DZIP3: variants seen among roughly 807,000 people sequenced by gnomAD.
DZIP3 encodes E3 ubiquitin-protein ligase DZIP3.
Under a neutral mutation model 162.0 loss-of-function variants are expected in DZIP3, and 118 were observed. That is an observed-to-expected ratio of 0.73 (90% CI 0.63 to 0.85). DZIP3 has a LOEUF of 0.85. DZIP3 is among the 40% of genes least tolerant of loss of function. DZIP3 has a pLI of 0.00. For missense variants in DZIP3, 1,331 were observed against 1,407.0 expected, an observed-to-expected ratio of 0.95 and a Z score of 0.86; for synonymous variants, 438 against 458.6, an observed-to-expected ratio of 0.96 and a Z score of 0.57.
chr3:108,622,880 C>CTGTGTGTGTGTG lies in DZIP3; in HGVS notation c.376-1558_376-1547dup, dbSNP rs1553703883. 7.2e-4 allele frequency among the ~76,000 whole-genome samples: 38 copies of CTGTGTGTGTGTG among 53,096 alleles called. 1 individual carries two copies. The highest frequency in any genetic ancestry group is 2.6e-3 in the African/African-American group (33 of 12,832). 34.8% of individuals were successfully genotyped at this position (53,096 alleles called of 152,430 possible). ...TCTCTCTCTCTCTCTCTCTCTCTCT[C>CTGTGTGTGTGTG]TGTGTGTGTGTGTGTGTATGGAGCT... On this transcript the variant is annotated intron_variant, in intron 5 of 32. Coordinates refer to ENST00000361582, the MANE Select transcript of DZIP3 (RefSeq NM_014648.4).
chr3:108,625,192 T>C (rs1019166043), intron 6 of DZIP3, among the ~76,000 whole-genome samples: 4 of 152,206 alleles, frequency 2.6e-5, no homozygotes, highest in African/African-American at 7.2e-5. Flanking sequence ...TTATGCCTTT[T>C]TCACTGAAGC....
rs755723605 is a variant in DZIP3, at chr3:108,624,433, T to C, written c.376-11T>C. The stretch of plus-strand genomic sequence containing the variant: ...TCTAAATAACCAATTAACATATTTT[T>C]TTCTTTGTAGGCACACCAGATTAAT... On this transcript the variant is annotated splice_polypyrimidine_tract_variant and intron_variant, in intron 5 of 32. Coordinates refer to ENST00000361582, the MANE Select transcript of DZIP3 (RefSeq NM_014648.4). 17 of 1,518,356 alleles carry C rather than the reference T, an allele frequency of 1.1e-5. No homozygotes were observed. Among genetic ancestry groups the C allele is most frequent in the Non-Finnish European group, 9.1e-7 (1 of 1,098,078 alleles). The allele number at this position is 1,518,356 out of a possible 1,614,324, so 94.1% of individuals were successfully genotyped here.
At chr3:108,625,278 G>A (rs1941540613) in intron 6 of DZIP3, among the ~76,000 whole-genome samples, 1 of 152,030 alleles carries the variant, frequency 6.6e-6, no homozygotes, top group Non-Finnish European at 1.5e-5. Context: ...CCCCAAAAGA[G>A]TTTATATCTA....
intron 1 of DZIP3, among the ~76,000 whole-genome samples, chr3:108,595,855 T>G (rs1160867170): frequency 2.0e-5 from 3 of 152,218 alleles, no homozygotes; most frequent in African/African-American, 7.2e-5. Context: ...CAGGGCTAAT[T>G]GTTCATTCAT....
At chr3:108,633,600 T>A (rs905975306) in intron 9 of DZIP3, among the ~76,000 whole-genome samples, 1 of 150,922 alleles carries the variant, frequency 6.6e-6, no homozygotes, top group African/African-American at 2.4e-5. Flanking sequence ...TCAGAATACT[T>A]CTGATAGATC....
chr3:108,638,376 C>T (rs963691385), intron 12 of DZIP3, among the ~76,000 whole-genome samples: 1 of 152,106 alleles, frequency 6.6e-6, no homozygotes, highest in East Asian at 1.9e-4. Flanking sequence ...AGTGCAGTGG[C>T]ACAATCTCGG....
Position 108,648,110 on chromosome 3 carries a change from G to C in DZIP3, c.1960G>C (p.Glu654Gln). 6.3e-7 allele frequency: 1 copy of C among 1,595,368 alleles called. No individual in the cohort carries two copies. The highest frequency in any genetic ancestry group is 8.5e-7 in the Non-Finnish European group (1 of 1,174,066). The part of the protein sequence containing the change: ...SSTESLKDLQ[E>Q]VKSKQRKKKK... ...AACAGAATCTCTTAAAGATCTCCAG[G>C]AAGTATAAGCTCTCATTAATATTTG... Residue 654 changes from glutamate (E) to glutamine (Q), a missense_variant and splice_region_variant, in exon 16 of 33, where the codon GAA becomes CAA. Glu to Gln is a conservative substitution (Grantham distance 29). Coordinates refer to ENST00000361582, the MANE Select transcript of DZIP3 (RefSeq NM_014648.4).
At chr3:108,626,406 G>A (rs1941591943) in intron 7 of DZIP3, among the ~76,000 whole-genome samples, 1 of 152,154 alleles carries the variant, frequency 6.6e-6, no homozygotes, top group African/African-American at 2.4e-5. Context: ...TATGGTTGGA[G>A]TTATTAGTAT....
intron 21 of DZIP3, among the ~76,000 whole-genome samples, chr3:108,662,562 A>G (rs1327386473): frequency 6.6e-6 from 1 of 152,252 alleles, no homozygotes; most frequent in African/African-American, 2.4e-5. Context: ...AATGTGACCA[A>G]TGATTGGCTG....
chr3:108,640,281 T>G (rs529055389), intron 12 of DZIP3, among the ~76,000 whole-genome samples: 10 of 152,046 alleles, frequency 6.6e-5, no homozygotes, highest in African/African-American at 1.9e-4. Context: ...ATTTACTTTT[T>G]CTATCAGTTA....
At chr3:108,596,299 A>G (rs1278584376) in intron 1 of DZIP3, among the ~76,000 whole-genome samples, 2 of 152,198 alleles carry the variant, frequency 1.3e-5, no homozygotes, top group African/African-American at 2.4e-5. Context: ...TATTTAGGTT[A>G]TGTTGTGATG....
rs759377744 is a variant in DZIP3, at chr3:108,661,924, A to T, written c.2247A>T (p.Glu749Asp). Residue 749 changes from glutamate (E) to aspartate (D), a missense_variant, in exon 20 of 33, where the codon GAA (glutamate) becomes GAT (aspartate). Around this residue, in one of 2 missense-constraint regions of DZIP3, gnomAD observed 1,278 missense variants for 1,317.1 expected, o/e 0.97. Transcript: ENST00000361582. ...VTTDYGETEKERLARQRQLYK... is the reference protein window; with the variant it reads ...VTTDYGETEKDRLARQRQLYK... ...CAGACTATGGAGAAACTGAAAAGGA[A>T]AGGCTTGCTCGTCAAAGGCAGCTTT... 4.3e-5 allele frequency: 69 copies of T among 1,613,952 alleles called. No homozygotes were observed. The highest frequency in any genetic ancestry group is 6.8e-6 in the Non-Finnish European group (8 of 1,179,968).
intron 26 of DZIP3, among the ~76,000 whole-genome samples, chr3:108,683,007 G>T (rs747817803): frequency 6.6e-6 from 1 of 150,706 alleles, no homozygotes; most frequent in Non-Finnish European, 1.5e-5. Flanking sequence ...TAAAAAATTT[G>T]ACACATATGT....
At chr3:108,688,771 G>A (rs1337926688) in intron 30 of DZIP3, 35 bp downstream of exon 30, 1 of 1,613,750 alleles carries the variant, frequency 6.2e-7, no homozygotes, top group Admixed American at 1.7e-5. Context: ...AACACATTTA[G>A]ATTTGGGAGA....
intron 29 of DZIP3, 79 bp from the exon 30 acceptor site, chr3:108,688,514 C>A: frequency 2.7e-6 from 4 of 1,460,126 alleles, no homozygotes; most frequent in East Asian, 2.3e-5. Flanking sequence ...TCTTACTATA[C>A]CCCGTTCTGT....
At chr3:108,610,202 G>A (rs1047143576) in intron 3 of DZIP3, among the ~76,000 whole-genome samples, 1 of 152,270 alleles carries the variant, frequency 6.6e-6, no homozygotes, top group South Asian at 2.1e-4. Flanking sequence ...GTGGAATATA[G>A]ATGGGGATGG....
At chr3:108,657,139 G>A (rs901132471) in intron 19 of DZIP3, among the ~76,000 whole-genome samples, 5 of 152,158 alleles carry the variant, frequency 3.3e-5, no homozygotes, top group Middle Eastern at 3.4e-3. Context: ...TACAGAGAAC[G>A]CCACAAAGAT....
At chr3:108,644,964 G>A (rs1316742848) in intron 14 of DZIP3, among the ~76,000 whole-genome samples, 183 bp downstream of exon 14, 2 of 152,110 alleles carry the variant, frequency 1.3e-5, no homozygotes, top group African/African-American at 4.8e-5. Flanking sequence ...GGAAATCCTA[G>A]GCTAAAGAAG....
Position 108,694,457 on chromosome 3 carries a change from C to A in DZIP3, c.*1104C>A. On this transcript the variant is annotated 3_prime_UTR_variant, in exon 33 of 33. Transcript: ENST00000361582. ...GAGGTTTAACGGACTTACAGTTCCA[C>A]ATGACTAAGGAGGCCTCACAATCAT... 6.3e-6 allele frequency: 1 copy of A among 158,204 alleles called. No homozygotes were observed. The highest frequency in any genetic ancestry group is 1.4e-5 in the Non-Finnish European group (1 of 72,934). 9.8% of individuals were successfully genotyped at this position (158,204 alleles called of 1,614,324 possible).
Sources: allele counts gnomAD v4.1 joint callset (sites outside exome capture counted in the v4.1 genomes callset), GRCh38; gene constraint gnomAD v4.1.1; regional missense constraint gnomAD v4.1.1; transcripts MANE v1.5; gene names NCBI Gene and HGNC (gene_info 2026-07-23, HGNC 2026-07-21).